Variants in ARID2 observed in about 807,000 individuals in gnomAD.
The protein encoded by ARID2 is AT-rich interactive domain-containing protein 2.
ARID2 carries 32 observed loss-of-function variants against 184.6 expected under a neutral mutation model. The ratio of observed to expected loss-of-function variants is 0.17; its 90% CI spans 0.13 to 0.23. The LOEUF is 0.23. Among genes scored for constraint, ARID2 ranks in the 10% least tolerant of loss-of-function variants. The probability of loss-of-function intolerance (pLI) is 1.00; values close to 1 mark genes in which losing one functional copy is unlikely to be tolerated. For synonymous variants in ARID2, 836 were observed against 772.6 expected, an observed-to-expected ratio of 1.08 and a Z score of -1.36; for missense variants, 1,696 against 2,197.6, an observed-to-expected ratio of 0.77 and a Z score of 4.56.
chr12:45,827,064 C>T (rs1218956921), intron 6 of ARID2, among the ~76,000 whole-genome samples: 1 of 151,776 alleles, frequency 6.6e-6, no homozygotes, highest in Admixed American at 6.6e-5. Context: ...TATCAACCTA[C>T]CTGGGATGTA....
intron 16 of ARID2, among the ~76,000 whole-genome samples, chr12:45,883,459 A>T (rs367694883): frequency 1.3e-5 from 2 of 150,382 alleles, no homozygotes; most frequent in African/African-American, 4.9e-5. Context: ...CAGCAAAAAC[A>T]AAAACAAAGA....
intron 3 of ARID2, among the ~76,000 whole-genome samples, chr12:45,743,754 A>G (rs1289179246): frequency 6.6e-6 from 1 of 152,190 alleles, no homozygotes; most frequent in Non-Finnish European, 1.5e-5. Context: ...TCAAAGAGCA[A>G]TGGAAGTCTT....
At chr12:45,759,175 T>C (rs1225634087) in intron 3 of ARID2, among the ~76,000 whole-genome samples, 1 of 152,214 alleles carries the variant, frequency 6.6e-6, no homozygotes, top group African/African-American at 2.4e-5. Context: ...TTTTTAAGTA[T>C]ATTGTATTCT....
intron 3 of ARID2, among the ~76,000 whole-genome samples, chr12:45,808,558 G>A (rs998505248): frequency 1.3e-5 from 2 of 151,968 alleles, no homozygotes; most frequent in Non-Finnish European, 2.9e-5. Context: ...GAATTATATG[G>A]GGTTTTATAT....
At chr12:45,843,325 G>A (rs1943385457) in intron 11 of ARID2, among the ~76,000 whole-genome samples, 1 of 151,652 alleles carries the variant, frequency 6.6e-6, no homozygotes, top group Non-Finnish European at 1.5e-5. Flanking sequence ...AAGATTTCTG[G>A]GCTACATTCC....
intron 16 of ARID2, among the ~76,000 whole-genome samples, chr12:45,888,482 T>C (rs1318108672): frequency 1.3e-5 from 2 of 152,224 alleles, no homozygotes; most frequent in Non-Finnish European, 2.9e-5. Context: ...AAACGTTACT[T>C]AGCAAAGCTT....
chr12:45,780,506 G>A (rs1012965102), intron 3 of ARID2, among the ~76,000 whole-genome samples: 2 of 151,934 alleles, frequency 1.3e-5, no homozygotes, highest in Non-Finnish European at 2.9e-5. Flanking sequence ...AATACATGTT[G>A]GAATTAATGA....
In ARID2 at chr12:45,851,957, C is replaced by G. The variant is rs554083326; in HGVS notation, c.3834C>G (p.Thr1278=). 20 of 1,612,076 alleles carry G rather than the reference C, an allele frequency of 1.2e-5. No individual in the cohort carries two copies. The East Asian group carries it at 4.0e-4, about 32-fold the overall frequency. ...NPSCRRGATN[T]SNGDTKENEM... ...CCTGCCGACGAGGAGCCACAAACAC[C>G]AGCAATGGGGATACAAAGGAAAATG... The change falls in exon 15 of 21, where the codon ACC becomes ACG. Residue 1278 remains threonine, a synonymous_variant. Coordinates refer to ENST00000334344, the MANE Select transcript of ARID2 (RefSeq NM_152641.4).
intron 16 of ARID2, among the ~76,000 whole-genome samples, chr12:45,883,879 CAG>C (rs1944142903): frequency 6.6e-6 from 1 of 152,012 alleles, no homozygotes; most frequent in African/African-American, 2.4e-5. Flanking sequence ...TCTGAGCAAA[CAG>C]AAGTTCAAGT....
rs1469425169 is a variant in ARID2 at position 45,836,901 on chromosome 12, C to T, written c.933C>T (p.Thr311=). 1.2e-6 allele frequency: 2 copies of T among 1,613,990 alleles called. No homozygotes were observed. The highest frequency in any genetic ancestry group is 2.2e-5 in the East Asian group (1 of 44,870). The change falls in exon 8 of 21, where the codon ACC becomes ACT. Residue 311 remains threonine, a synonymous_variant. Transcript: ENST00000334344. ...TTAAGCTCTTGGCAGCTAATCGTAC[C>T]TGTCTTCGTTTCCTATTACTTTCTG... ...GNVKLLAANR[T]CLRFLLLSAH... is the part of the protein sequence containing the mutation.
chr12:45,815,369 T>C (rs148084503), intron 4 of ARID2, among the ~76,000 whole-genome samples: 7 of 152,306 alleles, frequency 4.6e-5, no homozygotes. Context: ...AAATGAACAA[T>C]ATATTCTTAT....
At chr12:45,777,159 GATA>G in intron 3 of ARID2, among the ~76,000 whole-genome samples, 1 of 151,880 alleles carries the variant, frequency 6.6e-6, no homozygotes, top group Middle Eastern at 3.4e-3. Flanking sequence ...AAATTAGGAT[GATA>G]ATATATAAGA....
rs778991711 is a variant in ARID2, at chr12:45,767,291, A to G, written c.284+35977A>G. On this transcript the variant is annotated intron_variant, in intron 3 of 20. Coordinates refer to ENST00000334344, the MANE Select transcript of ARID2 (RefSeq NM_152641.4). ...CTTTATGTATTCTGAATATTACCCAATAAGTGATTTGCAAATATTTTCTCT... is the reference window on the plus strand; with the variant it reads ...CTTTATGTATTCTGAATATTACCCAGTAAGTGATTTGCAAATATTTTCTCT... Among the ~76,000 whole-genome samples the G allele has an allele frequency of 6.6e-5, 10 of 152,170 alleles. No individual in the cohort carries two copies. In the South Asian group the frequency reaches 1.2e-3, roughly 19 times the overall value.
At chr12:45,788,922 G>C (rs1942243535) in intron 3 of ARID2, among the ~76,000 whole-genome samples, 2 of 152,044 alleles carry the variant, frequency 1.3e-5, no homozygotes, top group Non-Finnish European at 2.9e-5. Flanking sequence ...GGACTTTTTT[G>C]TCCTGCAGAC....
At chr12:45,813,404 T>C (rs1942746725) in intron 4 of ARID2, among the ~76,000 whole-genome samples, 2 of 151,164 alleles carry the variant, frequency 1.3e-5, no homozygotes, top group South Asian at 4.2e-4. Context: ...TTTCTTTTAA[T>C]GTGTTATTAA....
At chr12:45,867,031 A>C (rs111783617) in intron 16 of ARID2, among the ~76,000 whole-genome samples, 1 of 151,604 alleles carries the variant, frequency 6.6e-6, no homozygotes, top group Non-Finnish European at 1.5e-5. Context: ...GCTCACTGCA[A>C]CCTCCACCTC....
At chr12:45,839,738 G>A (rs1943303878) in intron 11 of ARID2, 1 of 363,990 alleles carries the variant, frequency 2.7e-6, no homozygotes, top group South Asian at 9.0e-5. Flanking sequence ...TTAGAGTAAT[G>A]TGATGAATTA....
At chr12:45,873,343 T>C (rs1943955165) in intron 16 of ARID2, among the ~76,000 whole-genome samples, 1 of 152,248 alleles carries the variant, frequency 6.6e-6, no homozygotes, top group Admixed American at 6.5e-5. Flanking sequence ...TCATTTAATG[T>C]GATTTTCACT....
At chr12:45,735,408 T>C (rs1410385706) in intron 3 of ARID2, among the ~76,000 whole-genome samples, 1 of 146,588 alleles carries the variant, frequency 6.8e-6, no homozygotes, top group Non-Finnish European at 1.5e-5. Flanking sequence ...TTTAACTTTA[T>C]AAACTGTATC....
Sources: gnomAD v4.1 joint callset for allele counts (sites outside exome capture counted in the v4.1 genomes callset) on GRCh38, gnomAD v4.1.1 for gene constraint, MANE v1.5 for transcripts, NCBI Gene and HGNC (gene_info 2026-07-23, HGNC 2026-07-21) for gene names.